SH2D3A: variants seen among roughly 807,000 people sequenced by gnomAD.
SH2D3A encodes SH2 domain containing 3A.
SH2D3A carries 46 observed loss-of-function variants against 50.6 expected under a neutral mutation model. That is an observed-to-expected ratio of 0.91 (90% CI 0.72 to 1.16). The LOEUF is 1.16. Among genes scored for constraint, SH2D3A ranks in the 50% most tolerant of loss-of-function variants. The pLI, the probability that SH2D3A is intolerant of heterozygous loss-of-function variation, is 0.00. For synonymous variants in SH2D3A, 377 were observed against 348.4 expected, an observed-to-expected ratio of 1.08 and a Z score of -0.91; for missense variants, 783 against 786.2, an observed-to-expected ratio of 1.00 and a Z score of 0.05.
rs1448813850 is a variant in SH2D3A, at chr19:6,752,934, GA to G, written c.1571-182del. ...GGAGGGGGCTTCCAGCTCTCTGCAG[GA>G]ATGGGGGTGGGGTGCCTGAGGGGCT... On this transcript the variant is annotated intron_variant, in intron 9 of 9. Coordinates refer to ENST00000245908, the MANE Select transcript of SH2D3A (RefSeq NM_005490.3). 4 of 985,206 alleles carry G rather than the reference GA, an allele frequency of 4.1e-6. No homozygotes were observed. The Admixed American group carries it at 1.8e-4, about 45-fold the overall frequency. 61.0% of individuals were successfully genotyped at this position (985,206 alleles called of 1,614,324 possible).
rs1310582998 is a variant in SH2D3A at position 6,754,113 on chromosome 19, C to T, written c.1323G>A (p.Glu441=). Residue 441 remains glutamate (E), a synonymous_variant, in exon 8 of 10, where the codon GAG becomes GAA. Transcript: ENST00000245908. ...GCTCCTGCTCAAAGGCCAGCGCAGC[C>T]TCCGTGTGGCTCCTTCGGAGCTGGC... ...TWRQLRRSHT[E]AALAFEQELK... 1 of 1,613,668 alleles carries T rather than the reference C, an allele frequency of 6.2e-7. No homozygotes were observed. Among genetic ancestry groups the T allele is most frequent in the Admixed American group, 1.7e-5 (1 of 59,966 alleles).
At chr19:6,764,289 C>A (rs1674790182) in intron 1 of SH2D3A, 5 of 151,906 alleles carry the variant, frequency 3.3e-5, no homozygotes, top group Admixed American at 2.6e-4. Context: ...GTGCTATTCA[C>A]AGGTGTGATC....
At position 6,757,063 on chromosome 19, in the gene SH2D3A, C is replaced by T. The variant is rs985728013; in HGVS notation, c.497-1748G>A. ...TGTATTTTTAGTAGACACGGGGTTT[C>T]ACCATGTTGGCCAGGATGGTCTTGA... is the stretch of plus-strand genomic sequence containing the variant. On this transcript the variant is annotated intron_variant, in intron 4 of 9. Coordinates refer to ENST00000245908, the MANE Select transcript of SH2D3A (RefSeq NM_005490.3). 3.9e-5 allele frequency among the ~76,000 whole-genome samples: 6 copies of T among 152,040 alleles called. No homozygotes were observed. In the South Asian group the frequency reaches 1.2e-3, roughly 32 times the overall value.
chr19:6,764,499 T>C (rs1970198625), intron 1 of SH2D3A: 1 of 152,210 alleles, frequency 6.6e-6, no homozygotes, highest in Admixed American at 6.5e-5. Context: ...CCCTATTTAT[T>C]CAGCACCTTA....
chr19:6,753,717 T>G, intron 8 of SH2D3A, 76 bp from the exon 9 acceptor site: 1 of 1,379,946 alleles, frequency 7.2e-7, no homozygotes, highest in Non-Finnish European at 9.6e-7. Context: ...CTAGGACAAA[T>G]GCAGGGGCGG....
intron 3 of SH2D3A, among the ~76,000 whole-genome samples, chr19:6,759,949 G>A (rs1046106061): frequency 2.0e-5 from 3 of 152,134 alleles, no homozygotes; most frequent in Admixed American, 6.6e-5. Flanking sequence ...GGCCTCAAAA[G>A]TCAACCAAGG....
At chr19:6,766,450 C>G (rs1450223681) in intron 1 of SH2D3A, among the ~76,000 whole-genome samples, 4 of 152,148 alleles carry the variant, frequency 2.6e-5, no homozygotes, top group African/African-American at 9.7e-5. Context: ...GGAATCAGAC[C>G]AAGCATAGAG....
intron 4 of SH2D3A, among the ~76,000 whole-genome samples, chr19:6,755,684 T>C (rs1466327733): frequency 1.3e-5 from 2 of 151,746 alleles, no homozygotes; most frequent in African/African-American, 2.4e-5. Flanking sequence ...CCACCTTGCC[T>C]GACCCTATGA....
chr19:6,754,678 T>A lies in SH2D3A; in HGVS notation c.1035A>T (p.Ser345=), dbSNP rs775927735. The A allele has an allele frequency of 1.9e-6, 3 of 1,614,164 alleles. No individual in the cohort carries two copies. The highest frequency in any genetic ancestry group is 2.5e-6 in the Non-Finnish European group (3 of 1,180,018). The part of the protein sequence containing the change: ...TRDQRGNMGV[S]SGLELLTLPH... ...GAAGAGTGAGCAGCTCCAGGCCAGATGAGACTCCCATGTTGCCCCGCTGAT... is the reference window on the plus strand; with the variant it reads ...GAAGAGTGAGCAGCTCCAGGCCAGAAGAGACTCCCATGTTGCCCCGCTGAT... Residue 345 remains serine (S), a synonymous_variant, in exon 6 of 10, where the codon TCA becomes TCT. Coordinates refer to ENST00000245908, the MANE Select transcript of SH2D3A (RefSeq NM_005490.3).
At position 6,754,250 on chromosome 19, in the gene SH2D3A, C is replaced by T. The variant is rs768458177; in HGVS notation, c.1272+1G>A. The T allele has an allele frequency of 4.4e-6, 7 of 1,600,644 alleles. No individual in the cohort carries two copies. The South Asian group carries it at 4.4e-5, about 10-fold the overall frequency. ...TCCTCCAGTCCCTGCTCCCCACGAA[C>T]CTGGGGCATGAGCAGGGCGCCCATG... On this transcript the variant is annotated splice_donor_variant, in intron 7 of 9. Coordinates refer to ENST00000245908, the MANE Select transcript of SH2D3A (RefSeq NM_005490.3). LOFTEE classifies it high-confidence loss of function.
rs1437206062 is a variant in SH2D3A, at chr19:6,760,753, G to C, written c.304C>G (p.Leu102Val). ...ACCACAGCCCCTGTGGCCTGGGACA[G>C]TGGGCGCCTGCCTGTCATATAACTG... ...VHSYMTGRRP[L>V]SQATGAVVSR... Residue 102 changes from leucine (L) to valine (V), a missense_variant, in exon 3 of 10, where the codon CTG becomes GTG. Leu to Val is a conservative substitution (Grantham distance 32). Transcript: ENST00000245908. 1 of 1,614,008 alleles carries C rather than the reference G, an allele frequency of 6.2e-7. No homozygotes were observed. Among genetic ancestry groups the C allele is most frequent in the African/African-American group, 1.3e-5 (1 of 74,944 alleles).
rs76070786 is a variant in SH2D3A, at chr19:6,759,863, G to T, written c.420-193C>A. Reference sequence around the variant, plus strand: ...ACAACTAGTAGCATCTAGTTGGATGGAGCTCAGGAATGCTGCTCAGCACCC... The same window carrying T: ...ACAACTAGTAGCATCTAGTTGGATGTAGCTCAGGAATGCTGCTCAGCACCC... On this transcript the variant is annotated intron_variant, in intron 3 of 9. Transcript: ENST00000245908. Among the ~76,000 whole-genome samples, 126 of 152,264 alleles carry T rather than the reference G, an allele frequency of 8.3e-4. 2 individuals are homozygous for T. The East Asian group carries it at 0.023, about 28-fold the overall frequency.
intron 4 of SH2D3A, chr19:6,757,460 G>A (rs1346786375): frequency 6.6e-6 from 1 of 151,902 alleles, no homozygotes. Flanking sequence ...TAGGACCACA[G>A]GCGTGCAACA....
chr19:6,760,204 G>A (rs549579519), intron 3 of SH2D3A, among the ~76,000 whole-genome samples: 12 of 151,870 alleles, frequency 7.9e-5, no homozygotes, highest in African/African-American at 1.2e-4. Flanking sequence ...GTGAAACCCC[G>A]TCTCTACTAA....
chr19:6,753,383 T>A (rs1969438095), intron 9 of SH2D3A, 73 bp downstream of exon 9: 5 of 1,405,164 alleles, frequency 3.6e-6, no homozygotes, highest in Non-Finnish European at 4.6e-6. Context: ...TGGGACAGGC[T>A]GGGTTTGGGG....
At chr19:6,753,126 C>T in intron 9 of SH2D3A, 1 of 984,712 alleles carries the variant, frequency 1.0e-6, no homozygotes, top group Non-Finnish European at 1.2e-6. Context: ...ACGGAGGAGT[C>T]GTTTTGGAGG....
intron 8 of SH2D3A, among the ~76,000 whole-genome samples, chr19:6,753,849 T>A (rs921744421): frequency 2.0e-5 from 3 of 148,936 alleles, no homozygotes; most frequent in East Asian, 2.0e-4. Flanking sequence ...CCAAGGCTGG[T>A]GGGGGCGTGG....
chr19:6,765,079 C>T (rs1392905389), intron 1 of SH2D3A, among the ~76,000 whole-genome samples: 1 of 151,768 alleles, frequency 6.6e-6, no homozygotes, highest in Non-Finnish European at 1.5e-5. Flanking sequence ...TGGGGTTTCT[C>T]CATGTTGGCC....
Position 6,754,237 on chromosome 19 carries a change from T to C in SH2D3A, c.1272+14A>G, listed in dbSNP as rs1364135693. 5 of 1,603,602 alleles carry C rather than the reference T, an allele frequency of 3.1e-6. No individual in the cohort carries two copies. The highest frequency in any genetic ancestry group is 3.4e-6 in the Non-Finnish European group (4 of 1,177,962). On this transcript the variant is annotated intron_variant, in intron 7 of 9. Transcript: ENST00000245908. ...CCGCACTCCAGCTTCCTCCAGTCCCTGCTCCCCACGAACCTGGGGCATGAG... is the reference window on the plus strand; with the variant it reads ...CCGCACTCCAGCTTCCTCCAGTCCCCGCTCCCCACGAACCTGGGGCATGAG...
Sources: gnomAD v4.1 joint callset for allele counts (sites outside exome capture counted in the v4.1 genomes callset) on GRCh38, gnomAD v4.1.1 for gene constraint, MANE v1.5 for transcripts, NCBI Gene and HGNC (gene_info 2026-07-23, HGNC 2026-07-21) for gene names.